EPS8L1: variants seen among roughly 807,000 people sequenced by gnomAD.
The protein encoded by EPS8L1 is epidermal growth factor receptor kinase substrate 8-like protein 1.
In EPS8L1, 101 loss-of-function variants were observed where a neutral mutation model predicts 91.7. The ratio of observed to expected loss-of-function variants is 1.10; its 90% CI spans 0.94 to 1.30. The LOEUF is 1.30. Ranked by LOEUF, EPS8L1 falls within the 50% of genes most tolerant of loss-of-function variation. The probability of loss-of-function intolerance (pLI) is 0.00; values close to 1 mark genes in which losing one functional copy is unlikely to be tolerated. For missense variants in EPS8L1, 1,114 were observed against 1,017.0 expected, an observed-to-expected ratio of 1.10 and a Z score of -1.30; for synonymous variants, 506 against 445.3, an observed-to-expected ratio of 1.14 and a Z score of -1.72.
Position 55,086,152 on chromosome 19 carries a change from G to C in EPS8L1, c.1610G>C (p.Gly537Ala). The C allele has an allele frequency of 6.2e-7, 1 of 1,605,652 alleles. No individual in the cohort carries two copies. The highest frequency in any genetic ancestry group is 1.7e-4 in the Middle Eastern group (1 of 5,972). Reference protein sequence around the residue: ...VPYNILTPYPGPRLHHSQSPA... With the variant: ...VPYNILTPYPAPRLHHSQSPA... The stretch of plus-strand genomic sequence containing the variant: ...TACAACATCCTGACACCCTACCCCG[G>C]ACCCCGGCTGCACCACAGCCAAAGC... Residue 537 changes from glycine to alanine, a missense_variant, in exon 16 of 20, where the codon GGA (glycine) becomes GCA (alanine). By Grantham distance (60) the Gly-to-Ala change is moderately conservative. Transcript: ENST00000201647.
At chr19:55,080,961 A>G (rs1308772825) in intron 7 of EPS8L1, 107 bp downstream of exon 7, 1 of 1,096,726 alleles carries the variant, frequency 9.1e-7, no homozygotes, top group Non-Finnish European at 1.3e-6. Flanking sequence ...CATGGAGTCA[A>G]GCACACCCTA....
Position 55,081,271 on chromosome 19 carries a change from G to T in EPS8L1, c.553G>T (p.Ala185Ser). Reference protein sequence around the residue: ...EELQRDRSPAAETPPLQRRPS... With the variant: ...EELQRDRSPASETPPLQRRPS... ...GTTGCAGCGCGACCGCTCGCCCGCC[G>T]CTGAGACCCCGCCCCTGCAGCGCCG... Residue 185 changes from alanine (A) to serine (S), a missense_variant, in exon 8 of 20, where the codon GCT becomes TCT. Transcript: ENST00000201647. The surrounding 1 kb of genome is among the most constrained non-coding windows in gnomAD (Gnocchi z 4.9). 6.5e-7 allele frequency: 1 copy of T among 1,533,852 alleles called. No individual in the cohort carries two copies.
chr19:55,081,676 T>C lies in EPS8L1; in HGVS notation c.775-97T>C. 6.6e-7 allele frequency: 1 copy of C among 1,508,828 alleles called. No individual in the cohort carries two copies. The highest frequency in any genetic ancestry group is 8.9e-7 in the Non-Finnish European group (1 of 1,127,514). 93.5% of individuals were successfully genotyped at this position (1,508,828 alleles called of 1,614,324 possible). Reference sequence around the variant, plus strand: ...GTGGCCAGGTGTTTGGGGCGTGGCCTGATCTGGGGAAGTGTATAGGTGCTC... The same window carrying C: ...GTGGCCAGGTGTTTGGGGCGTGGCCCGATCTGGGGAAGTGTATAGGTGCTC... On this transcript the variant is annotated intron_variant, in intron 8 of 19. Coordinates refer to ENST00000201647, the MANE Select transcript of EPS8L1 (RefSeq NM_133180.3). The surrounding 1 kb of genome is among the most constrained non-coding windows in gnomAD (Gnocchi z 4.9).
chr19:55,086,637 C>CCCCCCCCCCCCCCCCCCATGG, intron 17 of EPS8L1, 77 bp from the exon 18 acceptor site: 2 of 1,374,360 alleles, frequency 1.5e-6, no homozygotes, highest in Non-Finnish European at 2.0e-6. Context: ...GCTGGAGCGC[C>CCCCCCCCCCCCCCCCCCATGG]CCCCCGCCCC....
At chr19:55,086,636 C>CCCCCCCCCCCCCCCCCCAAGG in intron 17 of EPS8L1, 78 bp from the exon 18 acceptor site, 1 of 956,962 alleles carries the variant, frequency 1.0e-6, no homozygotes, top group Non-Finnish European at 1.4e-6. Context: ...CGCTGGAGCG[C>CCCCCCCCCCCCCCCCCCAAGG]CCCCCCGCCC....
chr19:55,084,983 T>G (rs919251445), intron 14 of EPS8L1, among the ~76,000 whole-genome samples: 1 of 152,114 alleles, frequency 6.6e-6, no homozygotes, highest in Admixed American at 6.5e-5. Flanking sequence ...CTGTGACCTT[T>G]ACATCCCTGT....
At position 55,083,472 on chromosome 19, in the gene EPS8L1, G is replaced by GA. The variant is rs2076314046; in HGVS notation, c.1310dup (p.Asp438GlyfsTer4). On this transcript the variant is annotated frameshift_variant, in exon 13 of 20. Transcript: ENST00000201647. LOFTEE classifies it high-confidence loss of function. The surrounding 1 kb of genome is among the most constrained non-coding windows in gnomAD (Gnocchi z 4.7). ...CACTGACCCGCAGAGCCGCGCCTGG[G>GA]AGGACCCAGTTGAGAAACAGCTACA... 1 of 1,612,442 alleles carries GA rather than the reference G, an allele frequency of 6.2e-7. No individual in the cohort carries two copies. Among genetic ancestry groups the GA allele is most frequent in the Non-Finnish European group, 8.5e-7 (1 of 1,179,776 alleles).
Position 55,087,308 on chromosome 19 carries a change from T to TG in EPS8L1, c.1960dup (p.Asp654GlyfsTer120). On this transcript the variant is annotated frameshift_variant, in exon 19 of 20. Coordinates refer to ENST00000201647, the MANE Select transcript of EPS8L1 (RefSeq NM_133180.3). LOFTEE classifies it high-confidence loss of function. ...CCCGGGCTGCCCTCGCTCAGGACCG[T>TG]GGACGCGCTGGGTGTGCTGACCGGG... 1.9e-6 allele frequency: 3 copies of TG among 1,605,734 alleles called. No homozygotes were observed. The highest frequency in any genetic ancestry group is 2.5e-6 in the Non-Finnish European group (3 of 1,176,914).
chr19:55,082,335 G>C lies in EPS8L1; in HGVS notation c.1051G>C (p.Gly351Arg), dbSNP rs966023065. Residue 351 changes from glycine (G) to arginine (R), a missense_variant, in exon 11 of 20, where the codon GGG (glycine) becomes CGG (arginine). Gly to Arg is a moderately radical substitution (Grantham distance 125). Coordinates refer to ENST00000201647, the MANE Select transcript of EPS8L1 (RefSeq NM_133180.3). Reference protein sequence around the residue: ...SSPELLHFLFGPLQMIVNTSG... With the variant: ...SSPELLHFLFRPLQMIVNTSG... ...TCCGGAGCTGTTGCACTTCCTTTTC[G>C]GGCCTCTGCAGATGGTGAGACCCGC... is the stretch of plus-strand genomic sequence containing the variant. 4.3e-6 allele frequency: 7 copies of C among 1,612,596 alleles called. No homozygotes were observed. Among genetic ancestry groups the C allele is most frequent in the Non-Finnish European group, 5.9e-6 (7 of 1,179,882 alleles).
At chr19:55,086,586 G>T in intron 17 of EPS8L1, 68 bp downstream of exon 17, 2 of 1,535,454 alleles carry the variant, frequency 1.3e-6, no homozygotes, top group Non-Finnish European at 1.8e-6. Context: ...AGAAACGGGG[G>T]CTCAGAAAGA....
chr19:55,085,795 TG>T, intron 14 of EPS8L1, 45 bp from the exon 15 acceptor site: 1 of 1,587,622 alleles, frequency 6.3e-7, no homozygotes, highest in Non-Finnish European at 8.6e-7. Flanking sequence ...CCCAGAGCAA[TG>T]GGGCTGGCTG....
At chr19:55,085,716 C>A in intron 14 of EPS8L1, 125 bp from the exon 15 acceptor site, 1 of 1,068,864 alleles carries the variant, frequency 9.4e-7, no homozygotes, top group Non-Finnish European at 1.3e-6. Context: ...TTTCTATTAA[C>A]AGTATTAACC....
chr19:55,083,725 TTTTTTCTGTG>T lies in EPS8L1; in HGVS notation c.1385+88_1385+97del. On this transcript the variant is annotated intron_variant, in intron 14 of 19. Coordinates refer to ENST00000201647, the MANE Select transcript of EPS8L1 (RefSeq NM_133180.3). This position sits in a 1 kb window ranked among gnomAD's most constrained non-coding sequence, Gnocchi z 4.7. ...GCTCCCGATGCTGACTCCGCCCCCT[TTTTTTCTGTG>T]TTTTTCCTTCTGTCTTCCTGGCTCT... is the stretch of plus-strand genomic sequence containing the variant. 1.3e-6 allele frequency: 2 copies of T among 1,540,912 alleles called. No homozygotes were observed. The highest frequency in any genetic ancestry group is 1.8e-6 in the Non-Finnish European group (2 of 1,136,968).
Position 55,080,275 on chromosome 19 carries a change from CG to C in EPS8L1, c.429+1del. 2.0e-6 allele frequency: 3 copies of C among 1,528,620 alleles called. No individual in the cohort carries two copies. The highest frequency in any genetic ancestry group is 2.6e-6 in the Non-Finnish European group (3 of 1,134,350). The allele number at this position is 1,528,620 out of a possible 1,614,324, so 94.7% of individuals were successfully genotyped here. ...TGCACTTCTTCCAGGGCCTGCGCCT[CG>C]GGGTGAGCAGATGGGCTGGCTCTGG... ...DVHFFQGLRLGAELIREDIQG... is the reference protein window; with the variant it reads ...DVHFFQGLRLXAELIREDIQG... On this transcript the variant is annotated frameshift_variant and splice_region_variant, in exon 6 of 20. Coordinates refer to ENST00000201647, the MANE Select transcript of EPS8L1 (RefSeq NM_133180.3). LOFTEE classifies it high-confidence loss of function.
Position 55,080,282 on chromosome 19 carries a change from A to C in EPS8L1, c.429+4A>C, listed in dbSNP as rs1417584661. The stretch of plus-strand genomic sequence containing the variant: ...CTTCCAGGGCCTGCGCCTCGGGGTG[A>C]GCAGATGGGCTGGCTCTGGGGGTGG... On this transcript the variant is annotated splice_donor_region_variant and intron_variant, in intron 6 of 19. Transcript: ENST00000201647. The C allele has an allele frequency of 3.3e-6, 5 of 1,534,252 alleles. No individual in the cohort carries two copies. The South Asian group carries it at 6.1e-5, about 19-fold the overall frequency.
chr19:55,086,936 G>A, intron 18 of EPS8L1, 48 bp downstream of exon 18: 7 of 1,403,946 alleles, frequency 5.0e-6, no homozygotes, highest in Non-Finnish European at 5.5e-6. Context: ...CGGACGCTGG[G>A]AGCGGAGCGT....
At position 55,076,127 on chromosome 19, in the gene EPS8L1, G is replaced by A. The variant is rs1568769870; in HGVS notation, c.-38+208G>A. On this transcript the variant is annotated intron_variant, in intron 1 of 19. Transcript: ENST00000201647. ...GGCCTGGACTCCTGGGTCTGAGGGA[G>A]GAGGAGATGGGGCCTGGACTCCTGG... is the stretch of plus-strand genomic sequence containing the variant. Among the ~76,000 whole-genome samples the A allele has an allele frequency of 4.2e-3, 493 of 118,434 alleles. 19 individuals are homozygous for A. Among genetic ancestry groups the A allele is most frequent in the Non-Finnish European group, 5.7e-3 (312 of 54,716 alleles). 77.7% of individuals were successfully genotyped at this position (118,434 alleles called of 152,430 possible). A position where few individuals can be genotyped will look rare whatever the true frequency, so the allele number is the denominator to read the frequency against.
At chr19:55,085,784 G>A in intron 14 of EPS8L1, 57 bp from the exon 15 acceptor site, 1 of 1,578,334 alleles carries the variant, frequency 6.3e-7, no homozygotes, top group African/African-American at 1.3e-5. Context: ...GCACCCTGCA[G>A]CCCAGAGCAA....
chr19:55,079,948 C>A, intron 5 of EPS8L1, 97 bp downstream of exon 5: 3 of 1,467,500 alleles, frequency 2.0e-6, no homozygotes, highest in Non-Finnish European at 2.7e-6. Context: ...CCTCTGGGAA[C>A]TCTGGCGAGG....
Sources: gnomAD v4.1 joint callset for allele counts (sites outside exome capture counted in the v4.1 genomes callset) on GRCh38, gnomAD v4.1.1 for gene constraint, Gnocchi (gnomAD v3.1) non-coding constraint, MANE v1.5 for transcripts, NCBI Gene and HGNC (gene_info 2026-07-23, HGNC 2026-07-21) for gene names.